TENM2: variants seen among roughly 807,000 people sequenced by gnomAD.
TENM2 encodes teneurin-2.
TENM2 carries 52 observed loss-of-function variants against 245.2 expected under a neutral mutation model. The observed-to-expected ratio is 0.21, with a 90% CI of 0.17 to 0.27. TENM2 has a LOEUF of 0.27. TENM2 is among the 10% of genes least tolerant of loss of function. The pLI is 1.00. For missense variants in TENM2, 3,046 were observed against 3,666.8 expected, an observed-to-expected ratio of 0.83 and a Z score of 4.37; for synonymous variants, 1,363 against 1,438.9, an observed-to-expected ratio of 0.95 and a Z score of 1.19.
At chr5:167,929,065 G>GAAAGAAAGA (rs1561945539) in intron 3 of TENM2, among the ~76,000 whole-genome samples, 5 of 4,928 alleles carry the variant, frequency 1.0e-3, no homozygotes, top group African/African-American at 8.9e-3. Flanking sequence ...AAGAGAGAAA[G>GAAAGAAAGA]AAAGAAAGAA....
intron 2 of TENM2, among the ~76,000 whole-genome samples, chr5:167,423,344 G>A (rs149373659): frequency 1.1e-3 from 170 of 152,192 alleles, no homozygotes; most frequent in African/African-American, 3.8e-3. Flanking sequence ...TAAGAATATC[G>A]ATTAGTAAAG....
At chr5:167,261,240 G>A in the TENM2 span, among the ~76,000 whole-genome samples, 3 of 152,122 alleles carry the variant, frequency 2.0e-5, no homozygotes, top group African/African-American at 4.8e-5. Flanking sequence ...GATAAGGGGC[G>A]TGAAGGCAGT....
chr5:168,032,329 T>A (rs1478385752), intron 5 of TENM2, among the ~76,000 whole-genome samples: 1 of 152,208 alleles, frequency 6.6e-6, no homozygotes, highest in Admixed American at 6.5e-5. Flanking sequence ...AAAATTGCCT[T>A]GAGAGTTTGC....
intron 2 of TENM2, among the ~76,000 whole-genome samples, chr5:167,578,678 C>G (rs1444891599): frequency 6.6e-6 from 1 of 152,146 alleles, no homozygotes; most frequent in African/African-American, 2.4e-5. Context: ...GTTTTCATCT[C>G]TCTAAAAACA....
At chr5:168,081,710 G>A (rs948269135) in intron 7 of TENM2, among the ~76,000 whole-genome samples, 1 of 152,174 alleles carries the variant, frequency 6.6e-6, no homozygotes, top group Non-Finnish European at 1.5e-5. Context: ...GGCTGGATAT[G>A]AAATTCTGGG....
intron 2 of TENM2, among the ~76,000 whole-genome samples, chr5:167,589,386 A>G (rs576071663): frequency 6.6e-6 from 1 of 152,252 alleles, no homozygotes; most frequent in East Asian, 1.9e-4. Context: ...GACTCTGCAT[A>G]ACACTAATAG....
chr5:167,194,309 G>A, the TENM2 span, among the ~76,000 whole-genome samples: 7 of 152,086 alleles, frequency 4.6e-5, no homozygotes, highest in Non-Finnish European at 4.4e-5. Flanking sequence ...AATGGAAGAC[G>A]ACGCACGAAG....
chr5:168,220,309 C>T (rs1044131266), intron 23 of TENM2, among the ~76,000 whole-genome samples: 1 of 152,182 alleles, frequency 6.6e-6, no homozygotes, highest in East Asian at 1.9e-4. Flanking sequence ...GGGGAAAAAA[C>T]ATCCCTCTCA....
chr5:167,298,545 A>C (rs1755105372), intron 1 of TENM2, among the ~76,000 whole-genome samples: 1 of 152,226 alleles, frequency 6.6e-6, no homozygotes, highest in Non-Finnish European at 1.5e-5. Flanking sequence ...CGGAGCCTGC[A>C]GTGAGCCGAG....
At chr5:167,049,376 AT>A in the TENM2 span, among the ~76,000 whole-genome samples, 1 of 152,234 alleles carries the variant, frequency 6.6e-6, no homozygotes, top group Middle Eastern at 3.4e-3. Context: ...CCTAAAATTT[AT>A]TTTTTTAAAA....
intron 4 of TENM2, among the ~76,000 whole-genome samples, chr5:167,979,589 C>A (rs1782683234): frequency 6.6e-6 from 1 of 152,056 alleles, no homozygotes; most frequent in Non-Finnish European, 1.5e-5. Context: ...ACAGAGCATC[C>A]CTATAGAAAC....
intron 2 of TENM2, among the ~76,000 whole-genome samples, chr5:167,646,200 C>CATAT (rs61476810): frequency 0.21 from 13,125 of 62,342 alleles, 1,709 homozygotes; most frequent in Non-Finnish European, 0.28. Flanking sequence ...ATGTTGTTTT[C>CATAT]ATATATATAT....
intron 2 of TENM2, among the ~76,000 whole-genome samples, chr5:167,708,122 G>A (rs1758658131): frequency 6.6e-6 from 1 of 152,126 alleles, no homozygotes; most frequent in South Asian, 2.1e-4. Flanking sequence ...TTGATTGGTA[G>A]AAGCTGCCTA....
At chr5:167,171,738 C>A in the TENM2 span, among the ~76,000 whole-genome samples, 38 of 152,140 alleles carry the variant, frequency 2.5e-4, no homozygotes, top group Non-Finnish European at 5.4e-4. Flanking sequence ...AGAGGAAGAT[C>A]AACTGAGAAG....
chr5:168,245,384 T>G (rs1766459921), intron 26 of TENM2, among the ~76,000 whole-genome samples: 1 of 152,090 alleles, frequency 6.6e-6, no homozygotes, highest in Non-Finnish European at 1.5e-5. Flanking sequence ...AGTGATTCAT[T>G]TCTGTCTTGC....
intron 2 of TENM2, among the ~76,000 whole-genome samples, chr5:167,828,903 T>A (rs1768217098): frequency 6.6e-6 from 1 of 152,120 alleles, no homozygotes; most frequent in Non-Finnish European, 1.5e-5. Context: ...AGGCTCAAGG[T>A]GTGGAGCTGG....
chr5:167,455,338 G>A (rs1430260955), intron 2 of TENM2, among the ~76,000 whole-genome samples: 3 of 152,048 alleles, frequency 2.0e-5, no homozygotes, highest in African/African-American at 7.2e-5. Flanking sequence ...TTTGAAACAG[G>A]TATCTCATGT....
chr5:167,682,302 A>G lies in TENM2; in HGVS notation c.503-193684A>G, dbSNP rs190741709. On this transcript the variant is annotated intron_variant, in intron 2 of 28. Coordinates refer to ENST00000518659, the Ensembl canonical transcript of TENM2. Reference sequence around the variant, plus strand: ...CTCAGCCTCCCGAGTAGCTGGGATTACAGGCACACATCACCAAGCCCAGCT... The same window carrying G: ...CTCAGCCTCCCGAGTAGCTGGGATTGCAGGCACACATCACCAAGCCCAGCT... Among the ~76,000 whole-genome samples, 835 of 152,022 alleles carry G rather than the reference A, an allele frequency of 5.5e-3. 4 individuals are homozygous for G. Among genetic ancestry groups the G allele is most frequent in the South Asian group, 0.016 (76 of 4,818 alleles).
intron 5 of TENM2, among the ~76,000 whole-genome samples, chr5:168,046,724 G>A (rs750968506): frequency 1.3e-5 from 2 of 152,116 alleles, no homozygotes; most frequent in Admixed American, 6.5e-5. Flanking sequence ...AAGTGAGAGC[G>A]ACAGAGACAG....
Sources: allele counts gnomAD v4.1 joint callset (sites outside exome capture counted in the v4.1 genomes callset), GRCh38; gene constraint gnomAD v4.1.1; transcripts MANE v1.5; gene names NCBI Gene and HGNC (gene_info 2026-07-23, HGNC 2026-07-21).